CADPS2: variants seen among roughly 807,000 people sequenced by gnomAD.
The protein encoded by CADPS2 is calcium-dependent secretion activator 2.
In CADPS2, 93 loss-of-function variants were observed where a neutral mutation model predicts 172.5. That is an observed-to-expected ratio of 0.54 (90% CI 0.46 to 0.64). The LOEUF (loss-of-function observed/expected upper bound fraction) is 0.64, where lower values mean the gene tolerates loss of function less well. CADPS2 is among the 30% of genes least tolerant of loss of function. CADPS2 has a pLI of 0.00. For missense variants in CADPS2, 1,420 were observed against 1,565.9 expected (o/e 0.91, Z 1.57); for synonymous variants, 546 against 555.2 (o/e 0.98, Z 0.23).
intron 25 of CADPS2, among the ~76,000 whole-genome samples, chr7:122,374,646 T>G (rs2042140656): frequency 1.3e-5 from 2 of 152,066 alleles, no homozygotes; most frequent in Non-Finnish European, 2.9e-5. Flanking sequence ...AAACACCGCA[T>G]GTTCTCACTT....
At chr7:122,881,459 C>A (rs1455997955) in intron 1 of CADPS2, among the ~76,000 whole-genome samples, 2 of 152,128 alleles carry the variant, frequency 1.3e-5, no homozygotes, top group Admixed American at 1.3e-4. Context: ...TGTTTTAAGT[C>A]CAGTGTGAGG....
chr7:122,698,233 T>C, intron 2 of CADPS2: 1 of 1,613,986 alleles, frequency 6.2e-7, no homozygotes. Context: ...GTTCTGAAGA[T>C]CTGTTGTTAA....
intron 2 of CADPS2, among the ~76,000 whole-genome samples, chr7:122,719,034 T>C (rs141814915): frequency 2.6e-5 from 4 of 151,894 alleles, no homozygotes; most frequent in African/African-American, 9.7e-5. Flanking sequence ...AGGAAGTGAG[T>C]AAAGGAAAAG....
intron 1 of CADPS2, among the ~76,000 whole-genome samples, chr7:122,772,635 A>G (rs999372372): frequency 6.6e-6 from 1 of 152,156 alleles, no homozygotes; most frequent in African/African-American, 2.4e-5. Flanking sequence ...ATCACAAACT[A>G]AAATACAAAA....
At chr7:122,792,086 G>C (rs1326106119) in intron 1 of CADPS2, among the ~76,000 whole-genome samples, 1 of 152,114 alleles carries the variant, frequency 6.6e-6, no homozygotes, top group Admixed American at 6.5e-5. Flanking sequence ...CCATAACCTT[G>C]TACCAAGCAA....
At chr7:122,449,651 T>A (rs1474493661) in intron 15 of CADPS2, among the ~76,000 whole-genome samples, 1 of 152,128 alleles carries the variant, frequency 6.6e-6, no homozygotes, top group South Asian at 2.1e-4. Context: ...CAGAAACACA[T>A]CTCTAAAACT....
At position 122,493,590 on chromosome 7, in the gene CADPS2, T is replaced by C. The variant is rs190262644; in HGVS notation, c.1543-2170A>G. 1.8e-3 allele frequency among the ~76,000 whole-genome samples: 274 copies of C among 152,316 alleles called. 2 individuals carry two copies. Among genetic ancestry groups the C allele is most frequent in the African/African-American group, 6.2e-3 (257 of 41,572 alleles). Reference sequence around the variant, plus strand: ...CTAGTACACAGTGTGGGTGACAGAATGAAAACTGGTGTGGACTTTCTGGAA... The same window carrying C: ...CTAGTACACAGTGTGGGTGACAGAACGAAAACTGGTGTGGACTTTCTGGAA... On this transcript the variant is annotated intron_variant, in intron 9 of 29. Coordinates refer to ENST00000449022, the MANE Select transcript of CADPS2 (RefSeq NM_017954.11).
chr7:122,539,033 A>C (rs1359207600), intron 8 of CADPS2, among the ~76,000 whole-genome samples: 1 of 152,126 alleles, frequency 6.6e-6, no homozygotes, highest in African/African-American at 2.4e-5. Flanking sequence ...ATCAATATTT[A>C]ACACACACAC....
chr7:122,423,892 G>GA (rs1563302239), intron 17 of CADPS2, among the ~76,000 whole-genome samples: 1 of 152,090 alleles, frequency 6.6e-6, no homozygotes, highest in African/African-American at 2.4e-5. Flanking sequence ...CAGTAGTTAC[G>GA]AAAAACAAAG....
intron 14 of CADPS2, among the ~76,000 whole-genome samples, chr7:122,464,035 A>T (rs748218371): frequency 8.6e-5 from 13 of 151,694 alleles, no homozygotes; most frequent in Admixed American, 2.0e-4. Flanking sequence ...ATAAACACAC[A>T]TGTCACCTAG....
At chr7:122,335,191 T>A (rs1379970382) in intron 28 of CADPS2, among the ~76,000 whole-genome samples, 1 of 152,246 alleles carries the variant, frequency 6.6e-6, no homozygotes, top group African/African-American at 2.4e-5. Context: ...TCTACATGAA[T>A]AAACATGTAC....
Position 122,416,143 on chromosome 7 carries a change from G to GATAT in CADPS2, c.2497_2498insATAT (p.Pro833HisfsTer4). 1 of 1,547,884 alleles carries GATAT rather than the reference G, an allele frequency of 6.5e-7. No homozygotes were observed. The highest frequency in any genetic ancestry group is 8.8e-7 in the Non-Finnish European group (1 of 1,141,568). ...AAGAATCTCTTCCAGCTTTCTAGCA[G>GATAT]GAGATGCCTGGTTCATGGTCTCTAT... On this transcript the variant is annotated frameshift_variant, in exon 18 of 30. Transcript: ENST00000449022. LOFTEE classifies it high-confidence loss of function.
intron 14 of CADPS2, among the ~76,000 whole-genome samples, chr7:122,466,572 G>A (rs2055166817): frequency 6.6e-6 from 1 of 152,094 alleles, no homozygotes; most frequent in Non-Finnish European, 1.5e-5. Flanking sequence ...GTGGTATGTT[G>A]TCATAACAAA....
intron 6 of CADPS2, among the ~76,000 whole-genome samples, chr7:122,609,617 T>C (rs6954625): frequency 0.15 from 23,310 of 152,188 alleles, 2,007 homozygotes; most frequent in African/African-American, 0.23. Context: ...CAAACGTGTC[T>C]ATCAATACCA....
chr7:122,850,931 C>T (rs1584919105), intron 1 of CADPS2, among the ~76,000 whole-genome samples: 1 of 152,182 alleles, frequency 6.6e-6, no homozygotes, highest in South Asian at 2.1e-4. Context: ...AATATTCTTA[C>T]CCTGCCCAGC....
chr7:122,406,995 T>C (rs1222182752), intron 20 of CADPS2, among the ~76,000 whole-genome samples: 1 of 152,216 alleles, frequency 6.6e-6, no homozygotes, highest in African/African-American at 2.4e-5. Flanking sequence ...TATTATTAAA[T>C]TGAGAATAAA....
chr7:122,664,345 T>A (rs2080952262), intron 2 of CADPS2, among the ~76,000 whole-genome samples: 1 of 152,162 alleles, frequency 6.6e-6, no homozygotes, highest in Non-Finnish European at 1.5e-5. Context: ...ACACTTATCA[T>A]AACTAGAAAG....
chr7:122,441,885 C>A (rs1053353744), intron 15 of CADPS2, among the ~76,000 whole-genome samples: 2 of 152,184 alleles, frequency 1.3e-5, no homozygotes, highest in Admixed American at 6.6e-5. Flanking sequence ...ATGCATTCTG[C>A]AATAATTTCT....
intron 17 of CADPS2, among the ~76,000 whole-genome samples, chr7:122,424,004 T>C (rs1008239878): frequency 1.8e-4 from 27 of 152,350 alleles, no homozygotes; most frequent in Admixed American, 1.6e-3. Flanking sequence ...AAAGGTGACT[T>C]TTTCTGCAGA....
Sources: allele counts gnomAD v4.1 joint callset (sites outside exome capture counted in the v4.1 genomes callset), GRCh38; gene constraint gnomAD v4.1.1; transcripts MANE v1.5; gene names NCBI Gene and HGNC (gene_info 2026-07-23, HGNC 2026-07-21).